Variants in COMMD1 observed in about 807,000 individuals in gnomAD.
COMMD1 encodes the protein COMM domain-containing protein 1.
Under a neutral mutation model 17.2 loss-of-function variants are expected in COMMD1, and 10 were observed. The observed-to-expected ratio is 0.58, with a 90% CI of 0.36 to 0.99. The LOEUF (loss-of-function observed/expected upper bound fraction) is 0.99, where lower values mean the gene tolerates loss of function less well. Among genes scored for constraint, COMMD1 ranks in the 50% least tolerant of loss-of-function variants. The probability of loss-of-function intolerance (pLI) is 0.01; values close to 1 mark genes in which losing one functional copy is unlikely to be tolerated. For synonymous variants in COMMD1, 97 were observed against 91.6 expected, an observed-to-expected ratio of 1.06 and a Z score of -0.34; for missense variants, 270 against 231.8, an observed-to-expected ratio of 1.17 and a Z score of -1.07.
chr2:61,994,283 G>T (rs1213162868), intron 1 of COMMD1, among the ~76,000 whole-genome samples: 1 of 152,174 alleles, frequency 6.6e-6, no homozygotes, highest in Non-Finnish European at 1.5e-5. Flanking sequence ...ACCACGCCCA[G>T]CCTGTATTTG....
At chr2:62,118,507 G>A (rs1025213631) in intron 2 of COMMD1, among the ~76,000 whole-genome samples, 1 of 152,214 alleles carries the variant, frequency 6.6e-6, no homozygotes, top group African/African-American at 2.4e-5. Context: ...TGCAGTGACT[G>A]CAATCCTTTC....
chr2:62,012,706 CG>C (rs1313610503), intron 2 of COMMD1, among the ~76,000 whole-genome samples: 1 of 151,986 alleles, frequency 6.6e-6, no homozygotes, highest in African/African-American at 2.4e-5. Context: ...TTTTTCAGCC[CG>C]CTGTCAGTAA....
At chr2:61,936,037 A>G (rs1670599227) in intron 1 of COMMD1, among the ~76,000 whole-genome samples, 1 of 152,064 alleles carries the variant, frequency 6.6e-6, no homozygotes, top group Admixed American at 6.5e-5. Context: ...GGCTGGTCTC[A>G]AACTCCTGAG....
At chr2:62,016,811 C>G (rs761719354) in intron 2 of COMMD1, among the ~76,000 whole-genome samples, 1 of 152,082 alleles carries the variant, frequency 6.6e-6, no homozygotes, top group Non-Finnish European at 1.5e-5. Context: ...GAAACTTTTC[C>G]TCTCTGTTTT....
Position 62,121,718 on chromosome 2 carries a change from A to T in COMMD1, c.463-14113A>T, listed in dbSNP as rs185053211. 1.0e-3 allele frequency among the ~76,000 whole-genome samples: 157 copies of T among 151,164 alleles called. 1 individual carries two copies. Among genetic ancestry groups the T allele is most frequent in the Non-Finnish European group, 1.7e-3 (118 of 67,812 alleles). ...GAGCCACTGCACTCCAGCCTGGGCA[A>T]CAGGAGCGAGACTCCGTCTCAAAAA... On this transcript the variant is annotated intron_variant, in intron 2 of 2. Transcript: ENST00000311832.
chr2:61,955,235 T>G (rs1248342649), intron 1 of COMMD1, among the ~76,000 whole-genome samples: 1 of 150,844 alleles, frequency 6.6e-6, no homozygotes, highest in African/African-American at 2.4e-5. Flanking sequence ...ATGTCTGTAA[T>G]CCCAGCACTT....
At chr2:62,033,886 G>T (rs1669972963) in intron 2 of COMMD1, among the ~76,000 whole-genome samples, 1 of 152,000 alleles carries the variant, frequency 6.6e-6, no homozygotes, top group Non-Finnish European at 1.5e-5. Context: ...GAGGCAGGAG[G>T]ACTGCTTGAG....
At chr2:62,052,470 G>A (rs1383477770) in intron 2 of COMMD1, among the ~76,000 whole-genome samples, 4 of 152,030 alleles carry the variant, frequency 2.6e-5, no homozygotes, top group African/African-American at 7.3e-5. Context: ...TTGTTGCTTG[G>A]GTATGATCCT....
In COMMD1 at chr2:62,054,506, A is replaced by G. The variant is rs567161591; in HGVS notation, c.462+53524A>G. On this transcript the variant is annotated intron_variant, in intron 2 of 2. Coordinates refer to ENST00000311832, the MANE Select transcript of COMMD1 (RefSeq NM_152516.4). ...TAGTACATATATACAATTGGATACT[A>G]TTTAAGCCAGAAAGAAGAATGAAAT... Among the ~76,000 whole-genome samples, 6 of 152,340 alleles carry G rather than the reference A, an allele frequency of 3.9e-5. No individual in the cohort carries two copies. The East Asian group carries it at 1.2e-3, about 29-fold the overall frequency.
intron 2 of COMMD1, among the ~76,000 whole-genome samples, chr2:62,126,523 G>A (rs1341166454): frequency 2.0e-5 from 3 of 152,200 alleles, no homozygotes; most frequent in Admixed American, 2.0e-4. Flanking sequence ...CTAATGATCA[G>A]TGACATTGGG....
chr2:62,053,560 G>T (rs1415407942), intron 2 of COMMD1, among the ~76,000 whole-genome samples: 2 of 152,152 alleles, frequency 1.3e-5, no homozygotes, highest in African/African-American at 4.8e-5. Context: ...GAGGTGTTCA[G>T]ATGAGCTCAA....
chr2:62,004,566 T>C (rs1669061002), intron 2 of COMMD1, among the ~76,000 whole-genome samples: 1 of 152,130 alleles, frequency 6.6e-6, no homozygotes, highest in South Asian at 2.1e-4. Context: ...CCTCCCAAAG[T>C]GCTGGGATTA....
intron 2 of COMMD1, among the ~76,000 whole-genome samples, chr2:62,030,456 G>C (rs1049334762): frequency 6.6e-6 from 1 of 152,118 alleles, no homozygotes; most frequent in African/African-American, 2.4e-5. Flanking sequence ...ATGTTTAGCA[G>C]CATCGCAGGT....
At chr2:61,969,018 G>T in intron 1 of COMMD1, 1 of 444,724 alleles carries the variant, frequency 2.2e-6, no homozygotes, top group Non-Finnish European at 4.5e-6. Flanking sequence ...GTATTCATAG[G>T]CACAATCATG....
intron 2 of COMMD1, among the ~76,000 whole-genome samples, chr2:62,081,515 G>C (rs1671519340): frequency 6.6e-6 from 1 of 152,058 alleles, no homozygotes; most frequent in South Asian, 2.1e-4. Flanking sequence ...CTCCCAAAGT[G>C]CTGGGATTAC....
chr2:62,074,759 G>C (rs1218478670), intron 2 of COMMD1, among the ~76,000 whole-genome samples: 4 of 152,092 alleles, frequency 2.6e-5, no homozygotes, highest in Non-Finnish European at 5.9e-5. Context: ...CTTCTAGCAG[G>C]GGAACTATTA....
chr2:62,097,774 G>T (rs1365127775), intron 2 of COMMD1, among the ~76,000 whole-genome samples: 1 of 152,160 alleles, frequency 6.6e-6, no homozygotes, highest in East Asian at 1.9e-4. Flanking sequence ...TTTAATCTAG[G>T]TAGGGATGAG....
intron 2 of COMMD1, among the ~76,000 whole-genome samples, chr2:62,109,525 C>G (rs1573196897): frequency 6.6e-6 from 1 of 152,210 alleles, no homozygotes; most frequent in African/African-American, 2.4e-5. Context: ...TTAAAACTTT[C>G]TAAAAACCCT....
intron 1 of COMMD1, among the ~76,000 whole-genome samples, chr2:61,930,616 T>TG (rs1228533184): frequency 5.5e-5 from 6 of 108,548 alleles, no homozygotes; most frequent in East Asian, 3.5e-4. Context: ...ACCACAGGGT[T>TG]TTGTGTGTGT....
Sources: allele counts gnomAD v4.1 joint callset (sites outside exome capture counted in the v4.1 genomes callset), GRCh38; gene constraint gnomAD v4.1.1; transcripts MANE v1.5; gene names NCBI Gene and HGNC (gene_info 2026-07-23, HGNC 2026-07-21).